Variants in NPL observed in about 807,000 individuals in gnomAD.
NPL encodes the protein N-acetylneuraminate pyruvate lyase, also known as N-acetylneuraminate lyase.
A neutral mutation model predicts 41.1 loss-of-function variants in NPL; 32 were observed. That is an observed-to-expected ratio of 0.78 (90% confidence interval 0.59 to 1.05). NPL has a LOEUF of 1.05. NPL is among the 50% of genes least tolerant of loss of function. The pLI is 0.00. For synonymous variants in NPL, 128 were observed against 134.9 expected (o/e 0.95, Z 0.35); for missense variants, 321 against 378.4 (o/e 0.85, Z 1.26).
intron 2 of NPL, 124 bp from the exon 3 acceptor site, chr1:182,794,232 G>A (rs1666593980): frequency 2.3e-6 from 2 of 856,622 alleles, no homozygotes; most frequent in East Asian, 2.4e-5. Context: ...TCTTGTACTT[G>A]CTCTGTGTGT....
Position 182,829,474 on chromosome 1 carries a change from T to C in NPL, c.*566T>C. The C allele has an allele frequency of 2.7e-6, 4 of 1,460,756 alleles. No individual in the cohort carries two copies. The highest frequency in any genetic ancestry group is 2.7e-6 in the Non-Finnish European group (3 of 1,107,064). The allele number at this position is 1,460,756 out of a possible 1,614,324, so 90.5% of individuals were successfully genotyped here. On this transcript the variant is annotated 3_prime_UTR_variant, in exon 13 of 13. Transcript: ENST00000367553. Reference sequence around the variant, plus strand: ...TCATTTCGATGTCACCACTTTTCGCTCTTTAAAAACACTGGGTCAGGTGAG... The same window carrying C: ...TCATTTCGATGTCACCACTTTTCGCCCTTTAAAAACACTGGGTCAGGTGAG...
chr1:182,811,935 A>G (rs1023361312), intron 5 of NPL, among the ~76,000 whole-genome samples: 1 of 152,156 alleles, frequency 6.6e-6, no homozygotes, highest in Non-Finnish European at 1.5e-5. Context: ...TCAAATCACA[A>G]CCAACCTCTC....
At chr1:182,822,076 G>T (rs1378113516) in intron 10 of NPL, 39 bp from the exon 11 acceptor site, 1 of 1,274,090 alleles carries the variant, frequency 7.8e-7, no homozygotes, top group Admixed American at 1.7e-5. Flanking sequence ...CTTTCCTGTT[G>T]AGTTATTGAA....
At chr1:182,800,078 C>T (rs920968559) in intron 3 of NPL, among the ~76,000 whole-genome samples, 3 of 152,080 alleles carry the variant, frequency 2.0e-5, no homozygotes, top group Non-Finnish European at 4.4e-5. Context: ...GGTAACCGAT[C>T]ATGGTTAATG....
Position 182,818,587 on chromosome 1 carries a change from C to T in NPL, c.504C>T (p.Thr168=), listed in dbSNP as rs759558475. 1.1e-4 allele frequency: 172 copies of T among 1,614,056 alleles called. No homozygotes were observed. The highest frequency in any genetic ancestry group is 1.3e-4 in the Non-Finnish European group (151 of 1,180,040). Residue 168 remains threonine, a synonymous_variant, in exon 9 of 13, where the codon ACC becomes ACT. Coordinates refer to ENST00000367553, the MANE Select transcript of NPL (RefSeq NM_030769.3). The part of the protein sequence containing the change: ...LLDGILDKIP[T]FQGLKFSDTD... ...ATGGGATTCTGGATAAGATCCCCAC[C>T]TTCCAAGGGCTGAAATTCAGTGATA...
chr1:182,789,800 G>A lies in NPL; in HGVS notation c.-77G>A, dbSNP rs553404749. 7.9e-5 allele frequency: 12 copies of A among 152,752 alleles called. No individual in the cohort carries two copies. In the East Asian group the frequency reaches 2.3e-3, roughly 29 times the overall value. The allele number at this position is 152,752 out of a possible 1,614,324, so 9.5% of individuals were successfully genotyped here. On this transcript the variant is annotated 5_prime_UTR_variant, in exon 1 of 13. Coordinates refer to ENST00000367553, the MANE Select transcript of NPL (RefSeq NM_030769.3). ...AGCGGCTGCACGGACAAGAGCGGAGGCCTGGGTGAGCGCGGCCCGCGACGG... is the reference window on the plus strand; with the variant it reads ...AGCGGCTGCACGGACAAGAGCGGAGACCTGGGTGAGCGCGGCCCGCGACGG...
At chr1:182,810,277 C>T (rs993336416) in intron 5 of NPL, among the ~76,000 whole-genome samples, 1 of 152,182 alleles carries the variant, frequency 6.6e-6, no homozygotes, top group African/African-American at 2.4e-5. Context: ...ACATGGTATA[C>T]CCCCAAAAAT....
chr1:182,810,876 G>A (rs903104623), intron 5 of NPL, among the ~76,000 whole-genome samples: 1 of 152,090 alleles, frequency 6.6e-6, no homozygotes, highest in Non-Finnish European at 1.5e-5. Flanking sequence ...GGAAATTGAG[G>A]TGTAAAGGTG....
At chr1:182,816,931 A>T (rs1667351222) in intron 8 of NPL, 125 bp downstream of exon 8, 5 of 732,680 alleles carry the variant, frequency 6.8e-6, no homozygotes. Flanking sequence ...CTGACTGGGC[A>T]GTTCCAGTTG....
chr1:182,806,538 G>A (rs760487977), intron 5 of NPL: 1 of 1,536,062 alleles, frequency 6.5e-7, no homozygotes, highest in South Asian at 1.2e-5. Flanking sequence ...AAAGGTAAGA[G>A]GGGAGGGTGG....
chr1:182,797,156 A>G (rs1666697369), intron 3 of NPL, among the ~76,000 whole-genome samples: 1 of 151,910 alleles, frequency 6.6e-6, no homozygotes, highest in Admixed American at 6.6e-5. Flanking sequence ...TATTGTGGGG[A>G]TCACCATTAA....
At chr1:182,813,490 A>G (rs1353830672) in intron 6 of NPL, among the ~76,000 whole-genome samples, 2 of 152,226 alleles carry the variant, frequency 1.3e-5, no homozygotes, top group African/African-American at 4.8e-5. Flanking sequence ...CTCTTACAAA[A>G]GGTTTTTCAA....
At chr1:182,814,967 G>GCTT (rs890554412) in intron 7 of NPL, 109 bp downstream of exon 7, 1 of 854,594 alleles carries the variant, frequency 1.2e-6, no homozygotes, top group African/African-American at 1.7e-5. Flanking sequence ...TAGATTGGAG[G>GCTT]CTTGAAGTCG....
chr1:182,805,227 C>A (rs1666971044), intron 4 of NPL, among the ~76,000 whole-genome samples: 1 of 152,064 alleles, frequency 6.6e-6, no homozygotes, highest in African/African-American at 2.4e-5. Flanking sequence ...GTCAGGAGTT[C>A]AAGACCAGCC....
intron 1 of NPL, among the ~76,000 whole-genome samples, chr1:182,790,692 G>C (rs1410678857): frequency 6.6e-6 from 1 of 152,014 alleles, no homozygotes; most frequent in East Asian, 1.9e-4. Flanking sequence ...CGCCCAGGCC[G>C]GACTGCAGTG....
chr1:182,817,521 T>C (rs1171632339), intron 8 of NPL, among the ~76,000 whole-genome samples: 1 of 152,228 alleles, frequency 6.6e-6, no homozygotes, highest in Non-Finnish European at 1.5e-5. Flanking sequence ...GATTCAGTTC[T>C]GACACTGTCT....
intron 12 of NPL, chr1:182,826,886 C>A (rs1029732666): frequency 6.6e-6 from 1 of 152,106 alleles, no homozygotes; most frequent in Non-Finnish European, 1.5e-5. Context: ...CCTATATATA[C>A]TATGTTTTTT....
intron 5 of NPL, among the ~76,000 whole-genome samples, chr1:182,810,141 A>T (rs1667134349): frequency 6.6e-6 from 1 of 152,184 alleles, no homozygotes; most frequent in Non-Finnish European, 1.5e-5. Flanking sequence ...TCTCTGTCTC[A>T]TGAGGGCATG....
intron 1 of NPL, 132 bp downstream of exon 1, chr1:182,789,937 AG>A (rs893778776): frequency 3.3e-5 from 5 of 152,354 alleles, no homozygotes; most frequent in African/African-American, 1.2e-4. Context: ...CGGAGGAAAG[AG>A]GGAAGGCAGA....
Sources: gnomAD v4.1 joint callset for allele counts (sites outside exome capture counted in the v4.1 genomes callset) on GRCh38, gnomAD v4.1.1 for gene constraint, MANE v1.5 for transcripts, NCBI Gene and HGNC (gene_info 2026-07-23, HGNC 2026-07-21) for gene names.